Variants in ENTREP2 observed in about 807,000 individuals in gnomAD.
ENTREP2 encodes endosomal transmembrane epsin interactor 2, also known as protein ENTREP2.
chr15:29,570,476 C>G, the ENTREP2 span: 31 of 1,246,456 alleles, frequency 2.5e-5, no homozygotes, highest in South Asian at 7.1e-4. Context: ...GTCCCCGGAG[C>G]CCGTCCCCGC....
the ENTREP2 span, among the ~76,000 whole-genome samples, chr15:29,402,267 C>T: frequency 3.9e-3 from 326 of 83,114 alleles, 2 homozygotes; most frequent in African/African-American, 9.6e-3. Flanking sequence ...TATATATATA[C>T]ACACACATAT....
At chr15:29,352,262 C>A in the ENTREP2 span, among the ~76,000 whole-genome samples, 109 of 152,214 alleles carry the variant, frequency 7.2e-4, 1 homozygote, top group African/African-American at 2.6e-3. Flanking sequence ...CTCAAAAGAT[C>A]CCATATAGAA....
chr15:29,238,964 C>T, the ENTREP2 span, among the ~76,000 whole-genome samples: 22 of 152,074 alleles, frequency 1.4e-4, no homozygotes, highest in African/African-American at 4.6e-4. Flanking sequence ...ATATGAGATT[C>T]GGGTGGGGAC....
At chr15:29,422,530 T>G in the ENTREP2 span, among the ~76,000 whole-genome samples, 1 of 152,124 alleles carries the variant, frequency 6.6e-6, no homozygotes, top group South Asian at 2.1e-4. Context: ...CAAGTTTGCG[T>G]GTTAAATAAG....
the ENTREP2 span, chr15:29,234,884 A>T: frequency 1.3e-6 from 2 of 1,495,810 alleles, no homozygotes; most frequent in Admixed American, 3.3e-5. Context: ...TGTTGTCAAA[A>T]CCTTTCTGCT....
At chr15:29,316,206 A>G in the ENTREP2 span, among the ~76,000 whole-genome samples, 2 of 152,224 alleles carry the variant, frequency 1.3e-5, no homozygotes, top group Admixed American at 6.5e-5. Context: ...CAGGTGCCTT[A>G]ACCACAGAGA....
chr15:29,543,988 G>A, the ENTREP2 span, among the ~76,000 whole-genome samples: 65,883 of 151,266 alleles, frequency 0.44, 15,169 homozygotes, highest in African/African-American at 0.6. Flanking sequence ...ACATTCTATT[G>A]AATACAACTG....
At chr15:29,381,172 G>T in the ENTREP2 span, among the ~76,000 whole-genome samples, 1 of 144,656 alleles carries the variant, frequency 6.9e-6, no homozygotes, top group South Asian at 2.5e-4. Flanking sequence ...AAATGCCCTT[G>T]TTGGCCAGGC....
At chr15:29,118,190 G>A in the ENTREP2 span, 1 of 152,602 alleles carries the variant, frequency 6.6e-6, no homozygotes, top group African/African-American at 2.4e-5. Context: ...TGTGACTTAA[G>A]AAGCCTTACC....
the ENTREP2 span, among the ~76,000 whole-genome samples, chr15:29,362,496 T>G: frequency 2.1e-5 from 3 of 146,160 alleles, no homozygotes; most frequent in Non-Finnish European, 4.5e-5. Context: ...TGCCTCAGCC[T>G]CCAGAGTAGC....
At chr15:29,255,733 G>C in the ENTREP2 span, among the ~76,000 whole-genome samples, 27 of 152,104 alleles carry the variant, frequency 1.8e-4, no homozygotes, top group African/African-American at 5.8e-4. Flanking sequence ...CAGGCGCGGT[G>C]GCTCATGCCT....
At chr15:29,465,350 T>C in the ENTREP2 span, among the ~76,000 whole-genome samples, 1 of 152,064 alleles carries the variant, frequency 6.6e-6, no homozygotes, top group Non-Finnish European at 1.5e-5. Flanking sequence ...GCAAACAGAA[T>C]CATTGTCCAA....
the ENTREP2 span, among the ~76,000 whole-genome samples, chr15:29,170,879 G>T: frequency 1.3e-5 from 2 of 152,222 alleles, no homozygotes; most frequent in African/African-American, 4.8e-5. Flanking sequence ...TGCTGTAACG[G>T]AATAACAGAC....
chr15:29,456,865 C>T, the ENTREP2 span, among the ~76,000 whole-genome samples: 3 of 152,168 alleles, frequency 2.0e-5, no homozygotes, highest in African/African-American at 7.2e-5. Flanking sequence ...TCATCAGTTA[C>T]TTGGTTAGCG....
chr15:29,546,356 G>A, the ENTREP2 span, among the ~76,000 whole-genome samples: 1 of 152,112 alleles, frequency 6.6e-6, no homozygotes, highest in East Asian at 1.9e-4. Flanking sequence ...AAGTGCTGGA[G>A]CCAGTATAAA....
the ENTREP2 span, among the ~76,000 whole-genome samples, chr15:29,231,580 G>A: frequency 5.3e-5 from 8 of 152,070 alleles, no homozygotes; most frequent in Non-Finnish European, 1.0e-4. Flanking sequence ...TAGTGATATA[G>A]TATTTATATC....
chr15:29,418,588 G>C, the ENTREP2 span, among the ~76,000 whole-genome samples: 1 of 152,180 alleles, frequency 6.6e-6, no homozygotes, highest in Non-Finnish European at 1.5e-5. Context: ...GGTTGCACAG[G>C]TCTTTCGCTT....
chr15:29,228,227 G>A, the ENTREP2 span, among the ~76,000 whole-genome samples: 2,429 of 152,292 alleles, frequency 0.016, 30 homozygotes, highest in Non-Finnish European at 0.024. Context: ...GCTGAGGCAG[G>A]AGAATCGCTT....
the ENTREP2 span, among the ~76,000 whole-genome samples, chr15:29,664,509 C>T: frequency 2.0e-5 from 3 of 151,542 alleles, no homozygotes; most frequent in South Asian, 2.1e-4. Context: ...GGCTGGATGC[C>T]GACGCTGGGA....
Sources: allele counts gnomAD v4.1 joint callset (sites outside exome capture counted in the v4.1 genomes callset), GRCh38; gene constraint gnomAD v4.1.1; transcripts MANE v1.5; gene names NCBI Gene and HGNC (gene_info 2026-07-23, HGNC 2026-07-21).